SIK3: variants seen among roughly 807,000 people sequenced by gnomAD.
SIK3 encodes the protein SIK family kinase 3.
Under a neutral mutation model 144.2 loss-of-function variants are expected in SIK3, and 28 were observed. That is an observed-to-expected ratio of 0.19 (90% CI 0.14 to 0.27). The LOEUF is 0.27. Ranked by LOEUF, SIK3 falls within the 10% of genes least tolerant of loss-of-function variation. The pLI is 1.00. For missense variants in SIK3, 1,319 were observed against 1,776.0 expected (o/e 0.74, Z 4.62); for synonymous variants, 686 against 676.3 (o/e 1.01, Z -0.22).
intron 1 of SIK3, among the ~76,000 whole-genome samples, chr11:116,962,844 A>C (rs1365257346): frequency 6.6e-6 from 1 of 152,218 alleles, no homozygotes; most frequent in African/African-American, 2.4e-5. Flanking sequence ...AATATTTTAG[A>C]TATATTAGGC....
Position 116,859,369 on chromosome 11 carries a change from A to G in SIK3, c.2661T>C (p.Ala887=), listed in dbSNP as rs566311773. The G allele has an allele frequency of 6.2e-7, 1 of 1,614,224 alleles. No individual in the cohort carries two copies. Among genetic ancestry groups the G allele is most frequent in the Non-Finnish European group, 8.5e-7 (1 of 1,180,048 alleles). The change falls in exon 20 of 25, where the codon GCT becomes GCC. Residue 887 remains alanine, a synonymous_variant. Transcript: ENST00000445177. ...SGRGISISPS[A]GQMQMQHRTN... is the part of the protein sequence containing the mutation. ...TACGGTGCTGCATCTGCATCTGACC[A>G]GCACTGGGGCTGATGGAGATGCCGC...
intron 1 of SIK3, among the ~76,000 whole-genome samples, chr11:117,091,202 T>TTC (rs1955231803): frequency 1.0e-5 from 1 of 99,142 alleles, no homozygotes. Flanking sequence ...TTTTTTTTCT[T>TTC]TTTTTTTTTT....
At chr11:116,968,866 C>A (rs1393592831) in intron 1 of SIK3, among the ~76,000 whole-genome samples, 1 of 152,114 alleles carries the variant, frequency 6.6e-6, no homozygotes, top group Non-Finnish European at 1.5e-5. Flanking sequence ...TTAAGTAAAA[C>A]CCAACTATTA....
intron 1 of SIK3, among the ~76,000 whole-genome samples, chr11:117,008,412 T>C (rs967118758): frequency 3.9e-5 from 6 of 152,166 alleles, no homozygotes; most frequent in African/African-American, 1.2e-4. Flanking sequence ...CCAAACCCTA[T>C]ATACTCTTTC....
At chr11:116,868,267 A>G (rs1221836771) in intron 14 of SIK3, among the ~76,000 whole-genome samples, 178 bp from the exon 15 acceptor site, 2 of 152,252 alleles carry the variant, frequency 1.3e-5, no homozygotes, top group Non-Finnish European at 2.9e-5. Context: ...GGCCAACAGA[A>G]GTTGGCTTGA....
intron 1 of SIK3, among the ~76,000 whole-genome samples, chr11:117,046,965 C>T (rs1419046017): frequency 6.6e-6 from 1 of 152,190 alleles, no homozygotes; most frequent in East Asian, 1.9e-4. Flanking sequence ...ATCCCCCATC[C>T]TATATTTTAA....
chr11:116,861,157 AC>A (rs1367759146), intron 19 of SIK3, 116 bp downstream of exon 19: 9 of 802,998 alleles, frequency 1.1e-5, no homozygotes, highest in Non-Finnish European at 1.8e-5. Context: ...TAGAGTCCAT[AC>A]CCCTGAATAC....
At chr11:116,876,166 C>T (rs1944242072) in intron 8 of SIK3, 87 bp downstream of exon 8, 1 of 1,500,318 alleles carries the variant, frequency 6.7e-7, no homozygotes, top group Non-Finnish European at 9.1e-7. Flanking sequence ...AAAAAAAAGG[C>T]CCAAGTTCCC....
chr11:116,850,169 C>T (rs1240790432), intron 21 of SIK3, among the ~76,000 whole-genome samples: 1 of 152,174 alleles, frequency 6.6e-6, no homozygotes, highest in African/African-American at 2.4e-5. Context: ...ACCTGATTAC[C>T]TCTTGCCTGG....
intron 1 of SIK3, among the ~76,000 whole-genome samples, chr11:116,994,876 T>C (rs1381520593): frequency 2.6e-5 from 4 of 151,062 alleles, no homozygotes; most frequent in African/African-American, 9.7e-5. Flanking sequence ...AGCCCCAAAT[T>C]TTTGTGTCCA....
At position 116,873,995 on chromosome 11, in the gene SIK3, C is replaced by T; in HGVS notation, c.1489G>A (p.Ala497Thr). 1 of 1,614,068 alleles carries T rather than the reference C, an allele frequency of 6.2e-7. No homozygotes were observed. The highest frequency in any genetic ancestry group is 8.5e-7 in the Non-Finnish European group (1 of 1,179,996). The part of the protein sequence containing the change: ...LPGFPGVNPQ[A>T]PFLQVAPNVN... ...TTAGGGGCCACCTGCAGGAATGGAG[C>T]CTGGGGGTTGACTCCAGGAAAGCCA... The change falls in exon 12 of 25, where the codon GCT becomes ACT. Residue 497 changes from alanine to threonine, a missense_variant. Transcript: ENST00000445177.
chr11:117,023,153 T>C (rs1295394092), intron 1 of SIK3, among the ~76,000 whole-genome samples: 5 of 152,176 alleles, frequency 3.3e-5, no homozygotes, highest in Non-Finnish European at 5.9e-5. Flanking sequence ...ATCATTCTTA[T>C]TAGCAGTTGT....
intron 1 of SIK3, among the ~76,000 whole-genome samples, chr11:117,077,994 A>G (rs1371926746): frequency 2.0e-5 from 3 of 152,218 alleles, no homozygotes; most frequent in Admixed American, 2.0e-4. Flanking sequence ...GCTCTTTGAG[A>G]ACAGAATGGG....
intron 6 of SIK3, among the ~76,000 whole-genome samples, chr11:116,882,079 C>G (rs1357545775): frequency 6.6e-6 from 1 of 152,088 alleles, no homozygotes; most frequent in African/African-American, 2.4e-5. Flanking sequence ...TCTGGCAGAT[C>G]AGATGCCATG....
chr11:116,927,483 A>G, intron 3 of SIK3, 103 bp from the exon 4 acceptor site: 2 of 1,096,520 alleles, frequency 1.8e-6, no homozygotes, highest in Middle Eastern at 2.1e-4. Flanking sequence ...AGTGAGTTAA[A>G]GAGGCAAAAT....
At chr11:117,018,989 G>A (rs569256509) in intron 1 of SIK3, among the ~76,000 whole-genome samples, 2 of 152,058 alleles carry the variant, frequency 1.3e-5, no homozygotes, top group African/African-American at 2.4e-5. Flanking sequence ...TGGGATTACA[G>A]GGTGAGCCAC....
At chr11:117,025,260 C>T (rs1274031063) in intron 1 of SIK3, among the ~76,000 whole-genome samples, 1 of 151,914 alleles carries the variant, frequency 6.6e-6, no homozygotes, top group African/African-American at 2.4e-5. Flanking sequence ...TCCGGTCCAA[C>T]CCCCTTATTT....
chr11:116,952,836 G>A (rs1948991150), intron 3 of SIK3, among the ~76,000 whole-genome samples: 2 of 152,078 alleles, frequency 1.3e-5, no homozygotes, highest in Admixed American at 1.3e-4. Flanking sequence ...CATAGTGAAG[G>A]CCTACTATAC....
chr11:116,887,222 T>A (rs1944868098), intron 6 of SIK3, among the ~76,000 whole-genome samples: 1 of 119,298 alleles, frequency 8.4e-6, no homozygotes, highest in Admixed American at 9.9e-5. Flanking sequence ...CTGGGCAACA[T>A]GATGAAAATC....
Sources: gnomAD v4.1 joint callset for allele counts (sites outside exome capture counted in the v4.1 genomes callset) on GRCh38, gnomAD v4.1.1 for gene constraint, MANE v1.5 for transcripts, NCBI Gene and HGNC (gene_info 2026-07-23, HGNC 2026-07-21) for gene names.